Variants in ERBB4 observed in about 807,000 individuals in gnomAD.
The protein encoded by ERBB4 is receptor tyrosine-protein kinase erbB-4.
ERBB4 carries 42 observed loss-of-function variants against 158.0 expected under a neutral mutation model. The observed-to-expected ratio is 0.27, with a 90% CI of 0.21 to 0.34. The LOEUF is 0.34. Among genes scored for constraint, ERBB4 ranks in the 10% least tolerant of loss-of-function variants. The pLI, the probability that ERBB4 is intolerant of heterozygous loss-of-function variation, is 1.00. For synonymous variants in ERBB4, 583 were observed against 558.7 expected (o/e 1.04, Z -0.61); for missense variants, 1,333 against 1,624.1 (o/e 0.82, Z 3.08).
intron 1 of ERBB4, among the ~76,000 whole-genome samples, chr2:212,507,123 A>T (rs116269945): frequency 0.012 from 1,886 of 152,246 alleles, 41 homozygotes; most frequent in African/African-American, 0.043. Flanking sequence ...TATATGGAAC[A>T]ACTAGCCTAG....
Position 211,424,276 on chromosome 2 carries a change from G to C in ERBB4, c.2745C>G (p.Thr915=), listed in dbSNP as rs75536447. Residue 915 remains threonine (T), a synonymous_variant, in exon 23 of 28, where the codon ACC becomes ACG. Coordinates refer to ENST00000342788, the MANE Select transcript of ERBB4 (RefSeq NM_005235.3). Reference sequence around the variant, plus strand: ...TTCCATCATAGGGTTTTCCTCCAAAGGTCATCAGTTCCCATATAGTAACTC... The same window carrying C: ...TTCCATCATAGGGTTTTCCTCCAAACGTCATCAGTTCCCATATAGTAACTC... ...SYGVTIWELM[T]FGGKPYDGIP... 6.2e-7 allele frequency: 1 copy of C among 1,612,786 alleles called. No homozygotes were observed. The highest frequency in any genetic ancestry group is 8.5e-7 in the Non-Finnish European group (1 of 1,179,234).
At chr2:212,290,256 T>C (rs1221659524) in intron 1 of ERBB4, among the ~76,000 whole-genome samples, 2 of 152,144 alleles carry the variant, frequency 1.3e-5, no homozygotes, top group East Asian at 3.9e-4. Context: ...TTCCTTCTTT[T>C]CCTGTCCACA....
chr2:211,608,947 G>C (rs890164614), intron 19 of ERBB4, among the ~76,000 whole-genome samples: 6 of 152,096 alleles, frequency 3.9e-5, no homozygotes, highest in African/African-American at 1.2e-4. Flanking sequence ...ACATTAAGAA[G>C]ATTTCTAGCA....
intron 3 of ERBB4, among the ~76,000 whole-genome samples, chr2:211,887,954 G>A (rs1240748115): frequency 6.6e-6 from 1 of 152,112 alleles, no homozygotes; most frequent in Non-Finnish European, 1.5e-5. Flanking sequence ...CATTCCCAGT[G>A]TGTCTGCCTT....
intron 20 of ERBB4, among the ~76,000 whole-genome samples, chr2:211,456,963 T>C (rs1000119912): frequency 4.6e-5 from 7 of 152,206 alleles, no homozygotes; most frequent in South Asian, 4.1e-4. Context: ...ATGTGAAACA[T>C]TGACATAAAC....
chr2:212,499,894 T>C (rs1448502133), intron 1 of ERBB4, among the ~76,000 whole-genome samples: 1 of 152,022 alleles, frequency 6.6e-6, no homozygotes, highest in Non-Finnish European at 1.5e-5. Flanking sequence ...AGAATAGGGA[T>C]TTATTCATCC....
rs183507410 is a variant in ERBB4, at chr2:211,845,065, T to A, written c.422-56906A>T. 4.9e-4 allele frequency among the ~76,000 whole-genome samples: 74 copies of A among 152,216 alleles called. 2 individuals carry two copies. Among genetic ancestry groups the A allele is most frequent in the African/African-American group, 1.6e-3 (65 of 41,544 alleles). On this transcript the variant is annotated intron_variant, in intron 3 of 27. Coordinates refer to ENST00000342788, the MANE Select transcript of ERBB4 (RefSeq NM_005235.3). ...TGAATTGAAGGAAGCATGGTCAGTA[T>A]TGTCCTCAAAGAGAGTGGGCTCTGT...
At chr2:212,017,204 T>C (rs79197694) in intron 2 of ERBB4, among the ~76,000 whole-genome samples, 7,989 of 152,226 alleles carry the variant, frequency 0.052, 264 homozygotes, top group South Asian at 0.11. Flanking sequence ...TGAGTGTACA[T>C]TATCTTTAAA....
chr2:212,154,230 A>G (rs964815339), intron 1 of ERBB4, among the ~76,000 whole-genome samples: 1 of 152,146 alleles, frequency 6.6e-6, no homozygotes, highest in African/African-American at 2.4e-5. Flanking sequence ...TAACTTGTGT[A>G]CAGAGAAGGA....
At chr2:211,861,067 A>AT (rs1220197871) in intron 3 of ERBB4, among the ~76,000 whole-genome samples, 3,295 of 48,190 alleles carry the variant, frequency 0.068, 574 homozygotes, top group Non-Finnish European at 0.076. Context: ...ATATAAATAT[A>AT]ATATATTTAT....
intron 1 of ERBB4, among the ~76,000 whole-genome samples, chr2:212,232,109 G>C (rs1347504829): frequency 6.6e-6 from 1 of 151,766 alleles, no homozygotes; most frequent in African/African-American, 2.4e-5. Context: ...CTGTCAAGTG[G>C]GTTTGATAAT....
In ERBB4 at chr2:211,530,250, A is replaced by G. The variant is rs1238625214; in HGVS notation, c.2487+31653T>C. Among the ~76,000 whole-genome samples, 17 of 152,152 alleles carry G rather than the reference A, an allele frequency of 1.1e-4. 1 individual carries two copies. Reference sequence around the variant, plus strand: ...AATTAAGAAAGTAATCACATTTACAATAGCTACAAATGAAATAAAATACCT... The same window carrying G: ...AATTAAGAAAGTAATCACATTTACAGTAGCTACAAATGAAATAAAATACCT... On this transcript the variant is annotated intron_variant, in intron 20 of 27. Coordinates refer to ENST00000342788, the MANE Select transcript of ERBB4 (RefSeq NM_005235.3).
intron 1 of ERBB4, among the ~76,000 whole-genome samples, chr2:212,275,992 T>G (rs1240099133): frequency 1.3e-5 from 2 of 151,816 alleles, no homozygotes; most frequent in East Asian, 3.9e-4. Context: ...TTTCACTTTG[T>G]TTCTAATATA....
At chr2:211,515,912 A>ATATTTTTTT (rs35696520) in intron 20 of ERBB4, among the ~76,000 whole-genome samples, 2 of 78,984 alleles carry the variant, frequency 2.5e-5, no homozygotes, top group African/African-American at 1.1e-4. Flanking sequence ...ATATATATAT[A>ATATTTTTTT]TTTTTTTTTT....
chr2:212,155,365 AC>A, intron 1 of ERBB4, among the ~76,000 whole-genome samples: 3 of 34,426 alleles, frequency 8.7e-5, no homozygotes, highest in Non-Finnish European at 2.5e-4. Flanking sequence ...GTCATATCCC[AC>A]ACCCCAATGT....
chr2:211,942,354 ATT>A (rs2080525995), intron 3 of ERBB4, among the ~76,000 whole-genome samples: 1 of 150,592 alleles, frequency 6.6e-6, no homozygotes, highest in Non-Finnish European at 1.5e-5. Flanking sequence ...TTATTTATTT[ATT>A]TATTTATTTA....
At chr2:211,677,278 T>C (rs1189835768) in intron 13 of ERBB4, among the ~76,000 whole-genome samples, 1 of 152,108 alleles carries the variant, frequency 6.6e-6, no homozygotes, top group Non-Finnish European at 1.5e-5. Context: ...TTGAAAATAC[T>C]TTCAGGCCGG....
chr2:211,560,784 A>G (rs966835672), intron 20 of ERBB4, among the ~76,000 whole-genome samples: 3 of 152,192 alleles, frequency 2.0e-5, no homozygotes, highest in Non-Finnish European at 2.9e-5. Context: ...AGGAAACTCT[A>G]CTGCGAGTTA....
chr2:212,151,459 C>A (rs1182058888), intron 1 of ERBB4, among the ~76,000 whole-genome samples: 1 of 151,392 alleles, frequency 6.6e-6, no homozygotes, highest in Non-Finnish European at 1.5e-5. Flanking sequence ...CCTTGTCATG[C>A]ACTCCATATA....
Sources: gnomAD v4.1 joint callset for allele counts (sites outside exome capture counted in the v4.1 genomes callset) on GRCh38, gnomAD v4.1.1 for gene constraint, MANE v1.5 for transcripts, NCBI Gene and HGNC (gene_info 2026-07-23, HGNC 2026-07-21) for gene names.